The following PURA variants were observed in gnomAD, a reference collection of about 807,000 sequenced individuals.
The protein encoded by PURA is purine rich element binding protein A.
A neutral mutation model predicts 23.1 loss-of-function variants in PURA; 2 were observed. That is an observed-to-expected ratio of 0.09 (90% CI 0.04 to 0.27). The LOEUF is 0.27. PURA is among the 10% of genes least tolerant of loss of function. The probability of loss-of-function intolerance (pLI) is 1.00; values close to 1 mark genes in which losing one functional copy is unlikely to be tolerated. For synonymous variants in PURA, 254 were observed against 205.9 expected (o/e 1.23, Z -2.00); for missense variants, 187 against 449.7 (o/e 0.42, Z 5.28).
rs536385346 is a variant in PURA, at chr5:140,119,909, A to G, written c.*4759A>G. On this transcript the variant is annotated 3_prime_UTR_variant, in exon 1 of 1. Coordinates refer to ENST00000331327, the MANE Select transcript of PURA (RefSeq NM_005859.5). ...TTCCAGATAATTTTAGAATGGGGCT[A>G]TCTGAAATTGATGGTCTAGTAGCTT... 5 of 166,698 alleles carry G rather than the reference A, an allele frequency of 3.0e-5. No homozygotes were observed. Among genetic ancestry groups the G allele is most frequent in the South Asian group, 4.1e-4 (2 of 4,826 alleles). The allele number at this position is 166,698 out of a possible 1,614,324, so 10.3% of individuals were successfully genotyped here.
rs774854517 is a variant in PURA at position 140,114,334 on chromosome 5, A to T, written c.153A>T (p.Pro51=). The T allele has an allele frequency of 2.9e-5, 42 of 1,437,610 alleles. No homozygotes were observed. The highest frequency in any genetic ancestry group is 3.7e-5 in the Non-Finnish European group (41 of 1,096,490). The allele number at this position is 1,437,610 out of a possible 1,614,324, so 89.1% of individuals were successfully genotyped here. A position where few individuals can be genotyped will look rare whatever the true frequency, so the allele number is the denominator to read the frequency against. Residue 51 remains proline, a synonymous_variant, in exon 1 of 1, where the codon CCA becomes CCT. Coordinates refer to ENST00000331327, the MANE Select transcript of PURA (RefSeq NM_005859.5). ...GGSGGGGGGA[P]GGLQHETQEL... is the part of the protein sequence containing the mutation. Reference sequence around the variant, plus strand: ...GTGGCGGCGGCGGCGGCGGGGCCCCAGGGGGGCTGCAGCACGAGACGCAGG... The same window carrying T: ...GTGGCGGCGGCGGCGGCGGGGCCCCTGGGGGGCTGCAGCACGAGACGCAGG...
chr5:140,114,355 G>A lies in PURA; in HGVS notation c.174G>A (p.Thr58=). The change falls in exon 1 of 1, where the codon ACG becomes ACA. Residue 58 remains threonine, a synonymous_variant. Transcript: ENST00000331327. ...CCCCAGGGGGGCTGCAGCACGAGAC[G>A]CAGGAGCTGGCCTCCAAGCGGGTGG... The part of the protein sequence containing the change: ...GGAPGGLQHE[T]QELASKRVDI... 5 of 1,594,416 alleles carry A rather than the reference G, an allele frequency of 3.1e-6. No individual in the cohort carries two copies. Among genetic ancestry groups the A allele is most frequent in the East Asian group, 2.3e-5 (1 of 43,482 alleles).
rs143262149 is a variant in PURA, at chr5:140,116,185, G to A, written c.*1035G>A. Reference sequence around the variant, plus strand: ...TGTAGAAAGATTTTAAAAAACTAACGTGCAGCAATTTCCAGTGAACCTGTA... The same window carrying A: ...TGTAGAAAGATTTTAAAAAACTAACATGCAGCAATTTCCAGTGAACCTGTA... On this transcript the variant is annotated 3_prime_UTR_variant, in exon 1 of 1. Transcript: ENST00000331327. 11 of 167,060 alleles carry A rather than the reference G, an allele frequency of 6.6e-5. No homozygotes were observed. Among genetic ancestry groups the A allele is most frequent in the Admixed American group, 3.9e-4 (6 of 15,298 alleles). The allele number at this position is 167,060 out of a possible 1,614,324, so 10.3% of individuals were successfully genotyped here. A position where few individuals can be genotyped will look rare whatever the true frequency, so the allele number is the denominator to read the frequency against.
chr5:140,116,123 G>C lies in PURA; in HGVS notation c.*973G>C, dbSNP rs534549352. 6.0e-6 allele frequency: 1 copy of C among 167,152 alleles called. No homozygotes were observed. The highest frequency in any genetic ancestry group is 2.4e-5 in the African/African-American group (1 of 41,556). 10.4% of individuals were successfully genotyped at this position (167,152 alleles called of 1,614,324 possible). ...TTTGTCATTATTGTGTATATGAGATGTACTTGTATCGTTCATAATATATTT... is the reference window on the plus strand; with the variant it reads ...TTTGTCATTATTGTGTATATGAGATCTACTTGTATCGTTCATAATATATTT... On this transcript the variant is annotated 3_prime_UTR_variant, in exon 1 of 1. Transcript: ENST00000331327.
Position 140,119,153 on chromosome 5 carries a change from T to C in PURA, c.*4003T>C, listed in dbSNP as rs1471711239. On this transcript the variant is annotated 3_prime_UTR_variant, in exon 1 of 1. Transcript: ENST00000331327. Reference sequence around the variant, plus strand: ...AGTTTTGTATGCTAACAGAAAGATATAATTTAGCTACCTATTCTAAAAATG... The same window carrying C: ...AGTTTTGTATGCTAACAGAAAGATACAATTTAGCTACCTATTCTAAAAATG... 1.8e-5 allele frequency: 3 copies of C among 166,856 alleles called. No individual in the cohort carries two copies. Among genetic ancestry groups the C allele is most frequent in the Non-Finnish European group, 4.4e-5 (3 of 68,016 alleles). 10.3% of individuals were successfully genotyped at this position (166,856 alleles called of 1,614,324 possible).
At position 140,123,538 on chromosome 5, in the gene PURA, T is replaced by C. The variant is rs977515898; in HGVS notation, c.*8388T>C. The C allele has an allele frequency of 1.8e-5, 3 of 166,468 alleles. No homozygotes were observed. The highest frequency in any genetic ancestry group is 1.9e-4 in the East Asian group (1 of 5,206). 10.3% of individuals were successfully genotyped at this position (166,468 alleles called of 1,614,324 possible). ...AATATTCCACCCAAAGCAAAAATTA[T>C]ATGCAATTAAAAATATTTTATAAGG... On this transcript the variant is annotated 3_prime_UTR_variant, in exon 1 of 1. Transcript: ENST00000331327.
rs182696283 is a variant in PURA, at chr5:140,118,800, G to A, written c.*3650G>A. Reference sequence around the variant, plus strand: ...CAGGGGTTGAAATTTGATTCCAAGCGGAAAGTATATTATGTTTTTTCAGGC... The same window carrying A: ...CAGGGGTTGAAATTTGATTCCAAGCAGAAAGTATATTATGTTTTTTCAGGC... On this transcript the variant is annotated 3_prime_UTR_variant, in exon 1 of 1. Transcript: ENST00000331327. The A allele has an allele frequency of 1.3e-4, 21 of 166,918 alleles. No individual in the cohort carries two copies. In the East Asian group the frequency reaches 3.7e-3, roughly 29 times the overall value. The allele number at this position is 166,918 out of a possible 1,614,324, so 10.3% of individuals were successfully genotyped here. A position where few individuals can be genotyped will look rare whatever the true frequency, so the allele number is the denominator to read the frequency against.
Position 140,125,234 on chromosome 5 carries a change from T to C in PURA, c.*10084T>C, listed in dbSNP as rs1450007750. ...GTTAAAGATCTCTGCTCTAAGTAAA[T>C]TGTAGAGAATTTTAGTGCAAATCGT... is the stretch of plus-strand genomic sequence containing the variant. On this transcript the variant is annotated 3_prime_UTR_variant, in exon 1 of 1. Transcript: ENST00000331327. 1 of 166,836 alleles carries C rather than the reference T, an allele frequency of 6.0e-6. No homozygotes were observed. Among genetic ancestry groups the C allele is most frequent in the Non-Finnish European group, 1.5e-5 (1 of 68,102 alleles). The allele number at this position is 166,836 out of a possible 1,614,324, so 10.3% of individuals were successfully genotyped here.
rs143570943 is a variant in PURA at position 140,122,662 on chromosome 5, A to G, written c.*7512A>G. ...ACTTTAAAATTGTAGTATTCCCAAG[A>G]GTTCAGTGGTGGCAAATGTTAATAA... On this transcript the variant is annotated 3_prime_UTR_variant, in exon 1 of 1. Transcript: ENST00000331327. The G allele has an allele frequency of 5.0e-3, 843 of 166,980 alleles. 9 individuals carry two copies. The highest frequency in any genetic ancestry group is 0.02 in the African/African-American group (816 of 41,536). The allele number at this position is 166,980 out of a possible 1,614,324, so 10.3% of individuals were successfully genotyped here. A position where few individuals can be genotyped will look rare whatever the true frequency, so the allele number is the denominator to read the frequency against.
rs1231923232 is a variant in PURA, at chr5:140,116,864, TG to T, written c.*1718del. On this transcript the variant is annotated 3_prime_UTR_variant, in exon 1 of 1. Transcript: ENST00000331327. ...AAGGGTCTTGTCTGACAGAGAGTTCTGGGGATGGAATTGTTTCTTGGCAAAT... is the reference window on the plus strand; with the variant it reads ...AAGGGTCTTGTCTGACAGAGAGTTCTGGGATGGAATTGTTTCTTGGCAAAT... The T allele has an allele frequency of 6.1e-6, 1 of 164,184 alleles. No individual in the cohort carries two copies. Among genetic ancestry groups the T allele is most frequent in the African/African-American group, 2.4e-5 (1 of 40,960 alleles). The allele number at this position is 164,184 out of a possible 1,614,324, so 10.2% of individuals were successfully genotyped here.
chr5:140,119,257 A>ATT lies in PURA; in HGVS notation c.*4108_*4109dup. 1 of 166,990 alleles carries ATT rather than the reference A, an allele frequency of 6.0e-6. No individual in the cohort carries two copies. The highest frequency in any genetic ancestry group is 2.4e-5 in the African/African-American group (1 of 41,554). 10.3% of individuals were successfully genotyped at this position (166,990 alleles called of 1,614,324 possible). A position where few individuals can be genotyped will look rare whatever the true frequency, so the allele number is the denominator to read the frequency against. On this transcript the variant is annotated 3_prime_UTR_variant, in exon 1 of 1. Coordinates refer to ENST00000331327, the MANE Select transcript of PURA (RefSeq NM_005859.5). ...AAGAGAGAGATTAAGGATTTTTATA[A>ATT]TTGTTTTTCATCAAATTTTAATATT... is the stretch of plus-strand genomic sequence containing the variant.
In PURA at chr5:140,119,617, A is replaced by G. The variant is rs1272612768; in HGVS notation, c.*4467A>G. The G allele has an allele frequency of 1.2e-5, 2 of 166,778 alleles. No individual in the cohort carries two copies. Among genetic ancestry groups the G allele is most frequent in the African/African-American group, 2.4e-5 (1 of 41,424 alleles). 10.3% of individuals were successfully genotyped at this position (166,778 alleles called of 1,614,324 possible). On this transcript the variant is annotated 3_prime_UTR_variant, in exon 1 of 1. Coordinates refer to ENST00000331327, the MANE Select transcript of PURA (RefSeq NM_005859.5). ...GATTTGATATATTTTAAAAGATACT[A>G]TGTCAACTTTTTTCTTCCTATTTTC...
At position 140,114,192 on chromosome 5, in the gene PURA, G is replaced by C. The variant is rs1581035983; in HGVS notation, c.11G>C (p.Arg4Pro). 1 of 840,012 alleles carries C rather than the reference G, an allele frequency of 1.2e-6. No homozygotes were observed. Among genetic ancestry groups the C allele is most frequent in the Non-Finnish European group, 1.6e-6 (1 of 643,074 alleles). The allele number at this position is 840,012 out of a possible 1,614,324, so 52.0% of individuals were successfully genotyped here. ...GCGGAGCGCAGCATCATGGCGGACC[G>C]AGACAGCGGCAGCGAGCAGGGTGGT... Reference protein sequence around the residue: MADRDSGSEQGGAA... With the variant: MADPDSGSEQGGAA... Residue 4 changes from arginine to proline, a missense_variant, in exon 1 of 1, where the codon CGA becomes CCA. By Grantham distance (103) the Arg-to-Pro change is moderately radical. Coordinates refer to ENST00000331327, the MANE Select transcript of PURA (RefSeq NM_005859.5).
In PURA at chr5:140,114,117, C is replaced by T; in HGVS notation, c.-65C>T. The T allele has an allele frequency of 2.9e-6, 1 of 339,572 alleles. No individual in the cohort carries two copies. The allele number at this position is 339,572 out of a possible 1,614,324, so 21.0% of individuals were successfully genotyped here. On this transcript the variant is annotated 5_prime_UTR_variant, in exon 1 of 1. Coordinates refer to ENST00000331327, the MANE Select transcript of PURA (RefSeq NM_005859.5). ...AGCCGGGGAGGGAAAGCAGCGGCGGCTGAGGCGACTGAGGCGGCGGGCGGA... is the reference window on the plus strand; with the variant it reads ...AGCCGGGGAGGGAAAGCAGCGGCGGTTGAGGCGACTGAGGCGGCGGGCGGA...
Position 140,114,450 on chromosome 5 carries a change from A to G in PURA, c.269A>G (p.Glu90Gly). The change falls in exon 1 of 1, where the codon GAG (glutamate) becomes GGG (glycine). Residue 90 changes from glutamate to glycine, a missense_variant. Glu to Gly is a moderately conservative substitution (Grantham distance 98, BLOSUM62 -2). Coordinates refer to ENST00000331327, the MANE Select transcript of PURA (RefSeq NM_005859.5). The stretch of plus-strand genomic sequence containing the variant: ...AAGGGCCGCTTCCTGAAGATCGCCG[A>G]GGTGGGCGCGGGCGGCAACAAGAGC... ...NAKGRFLKIA[E>G]VGAGGNKSRL... The G allele has an allele frequency of 6.2e-7, 1 of 1,612,802 alleles. No individual in the cohort carries two copies.
At position 140,115,013 on chromosome 5, in the gene PURA, A is replaced by T. The variant is rs1049757952; in HGVS notation, c.832A>T (p.Met278Leu). The T allele has an allele frequency of 1.9e-6, 3 of 1,614,124 alleles. No individual in the cohort carries two copies. The highest frequency in any genetic ancestry group is 2.5e-6 in the Non-Finnish European group (3 of 1,180,008). ...CACCTTCTGCAAGTACTCGGAGGAG[A>T]TGAAGAAGATTCAAGAGAAGCAGAG... Reference protein sequence around the residue: ...GHTFCKYSEEMKKIQEKQREK... With the variant: ...GHTFCKYSEELKKIQEKQREK... The change falls in exon 1 of 1, where the codon ATG becomes TTG. Residue 278 changes from methionine to leucine, a missense_variant. Physicochemically the swap from Met to Leu is conservative, Grantham distance 15. Around this residue, in one of 9 missense-constraint regions of PURA, gnomAD observed 65 missense variants for 158.6 expected, o/e 0.41. Transcript: ENST00000331327. The surrounding 1 kb of genome is among the most constrained non-coding windows in gnomAD (Gnocchi z 4.1).
At position 140,123,732 on chromosome 5, in the gene PURA, A is replaced by G. The variant is rs777263340; in HGVS notation, c.*8582A>G. ...GGATAGGGAATATATATGTATGTGT[A>G]TATGAAATGATGTCTTCGAGTTTTA... On this transcript the variant is annotated 3_prime_UTR_variant, in exon 1 of 1. Coordinates refer to ENST00000331327, the MANE Select transcript of PURA (RefSeq NM_005859.5). 2 of 167,002 alleles carry G rather than the reference A, an allele frequency of 1.2e-5. No homozygotes were observed. The highest frequency in any genetic ancestry group is 2.9e-5 in the Non-Finnish European group (2 of 68,072). The allele number at this position is 167,002 out of a possible 1,614,324, so 10.3% of individuals were successfully genotyped here. A position where few individuals can be genotyped will look rare whatever the true frequency, so the allele number is the denominator to read the frequency against.
In PURA at chr5:140,120,974, A is replaced by G. The variant is rs1185436824; in HGVS notation, c.*5824A>G. On this transcript the variant is annotated 3_prime_UTR_variant, in exon 1 of 1. Transcript: ENST00000331327. The stretch of plus-strand genomic sequence containing the variant: ...GGCAGAAACATGGTGGTGATCCTCT[A>G]TGTAAAATATAGTTGCTTCTTACAC... 1 of 166,894 alleles carries G rather than the reference A, an allele frequency of 6.0e-6. No individual in the cohort carries two copies. The highest frequency in any genetic ancestry group is 1.5e-5 in the Non-Finnish European group (1 of 67,986). The allele number at this position is 166,894 out of a possible 1,614,324, so 10.3% of individuals were successfully genotyped here.
chr5:140,117,317 T>G lies in PURA; in HGVS notation c.*2167T>G, dbSNP rs961176786. On this transcript the variant is annotated 3_prime_UTR_variant, in exon 1 of 1. Transcript: ENST00000331327. The stretch of plus-strand genomic sequence containing the variant: ...AGTTGAGCTTTTACAGTGCATAATG[T>G]GACATTTGGAATGCTTATCAACTGC... 3.6e-5 allele frequency: 6 copies of G among 167,014 alleles called. No homozygotes were observed. The highest frequency in any genetic ancestry group is 1.4e-4 in the African/African-American group (6 of 41,462). 10.3% of individuals were successfully genotyped at this position (167,014 alleles called of 1,614,324 possible). A position where few individuals can be genotyped will look rare whatever the true frequency, so the allele number is the denominator to read the frequency against.
Sources: gnomAD v4.1 joint callset for allele counts on GRCh38, gnomAD v4.1.1 for gene constraint, gnomAD v4.1.1 regional missense constraint, Gnocchi (gnomAD v3.1) non-coding constraint, MANE v1.5 for transcripts, NCBI Gene and HGNC (gene_info 2026-07-23, HGNC 2026-07-21) for gene names.